The following FAT3 variants were observed in gnomAD, a reference collection of about 807,000 sequenced individuals.
FAT3 encodes the protein FAT atypical cadherin 3.
FAT3 carries 95 observed loss-of-function variants against 310.2 expected under a neutral mutation model. The observed-to-expected ratio is 0.31, with a 90% CI of 0.26 to 0.36. The LOEUF (loss-of-function observed/expected upper bound fraction) is 0.36. FAT3 is among the 10% of genes least tolerant of loss of function. The probability of loss-of-function intolerance (pLI) is 1.00; values close to 1 mark genes in which losing one functional copy is unlikely to be tolerated. For missense variants in FAT3, 5,408 were observed against 5,715.6 expected (o/e 0.95, Z 1.74); for synonymous variants, 2,314 against 2,192.9 (o/e 1.06, Z -1.54).
In FAT3 at chr11:92,801,032, G is replaced by T; in HGVS notation, c.8019G>T (p.Val2673=). ...KGNFNQLKNT[V]LSFFVKAVDG... Reference sequence around the variant, plus strand: ...ATTTTAACCAGCTGAAAAATACAGTGCTTTCGTTCTTTGTCAAAGCAGTAG... The same window carrying T: ...ATTTTAACCAGCTGAAAAATACAGTTCTTTCGTTCTTTGTCAAAGCAGTAG... The change falls in exon 10 of 28, where the codon GTG becomes GTT. Residue 2673 remains valine, a synonymous_variant. Transcript: ENST00000525166. The T allele has an allele frequency of 6.2e-7, 1 of 1,613,792 alleles. No individual in the cohort carries two copies. Among genetic ancestry groups the T allele is most frequent in the Non-Finnish European group, 8.5e-7 (1 of 1,179,818 alleles).
At chr11:92,279,948 C>G (rs1946380448) in intron 1 of FAT3, among the ~76,000 whole-genome samples, 1 of 152,116 alleles carries the variant, frequency 6.6e-6, no homozygotes, top group Non-Finnish European at 1.5e-5. Context: ...CAGCCTTAAG[C>G]CATGATCTCA....
intron 3 of FAT3, among the ~76,000 whole-genome samples, chr11:92,685,322 ACT>A (rs1943600315): frequency 1.3e-5 from 2 of 152,004 alleles, no homozygotes; most frequent in Admixed American, 1.3e-4. Flanking sequence ...CAGACTGCAG[ACT>A]CTGACATGAC....
At chr11:92,783,172 A>G (rs1946797757) in intron 7 of FAT3, among the ~76,000 whole-genome samples, 1 of 151,778 alleles carries the variant, frequency 6.6e-6, no homozygotes, top group Non-Finnish European at 1.5e-5. Context: ...AGCCTGGCCA[A>G]CATAGTGAAA....
At chr11:92,414,808 G>A (rs1403794383) in intron 2 of FAT3, among the ~76,000 whole-genome samples, 1 of 151,972 alleles carries the variant, frequency 6.6e-6, no homozygotes, top group Non-Finnish European at 1.5e-5. Context: ...CGGGAGATCG[G>A]GATCATCCTG....
At chr11:92,486,177 T>C (rs1300105696) in intron 2 of FAT3, among the ~76,000 whole-genome samples, 4 of 143,840 alleles carry the variant, frequency 2.8e-5, no homozygotes, top group Non-Finnish European at 4.5e-5. Flanking sequence ...CATCTTTGTT[T>C]TGCTTTAATT....
chr11:92,812,491 A>G (rs1947703166), intron 13 of FAT3, among the ~76,000 whole-genome samples: 1 of 152,058 alleles, frequency 6.6e-6, no homozygotes, highest in Non-Finnish European at 1.5e-5. Flanking sequence ...CTGAGGCAGA[A>G]GAATTGCTTG....
At chr11:92,817,323 A>G (rs1158807620) in intron 13 of FAT3, among the ~76,000 whole-genome samples, 1 of 152,224 alleles carries the variant, frequency 6.6e-6, no homozygotes, top group African/African-American at 2.4e-5. Flanking sequence ...AGTAAATTGC[A>G]TTAATAGAAA....
chr11:92,368,535 A>G (rs1949085124), intron 2 of FAT3, among the ~76,000 whole-genome samples: 1 of 152,122 alleles, frequency 6.6e-6, no homozygotes, highest in Admixed American at 6.6e-5. Flanking sequence ...CCAGGAGAGA[A>G]CTTTCATTTT....
chr11:92,681,185 C>T (rs886253327), intron 3 of FAT3, among the ~76,000 whole-genome samples: 1 of 152,184 alleles, frequency 6.6e-6, no homozygotes, highest in African/African-American at 2.4e-5. Flanking sequence ...TTGTACCTTA[C>T]ATTCTAGAGA....
At chr11:92,319,686 G>C in intron 1 of FAT3, among the ~76,000 whole-genome samples, 1 of 152,136 alleles carries the variant, frequency 6.6e-6, no homozygotes, top group East Asian at 1.9e-4. Context: ...GCTTCTAAAA[G>C]TAATTTTTTC....
At chr11:92,485,199 AC>A (rs1273248111) in intron 2 of FAT3, among the ~76,000 whole-genome samples, 2 of 152,182 alleles carry the variant, frequency 1.3e-5, no homozygotes, top group Non-Finnish European at 2.9e-5. Context: ...TTTAATTTAA[AC>A]CCCTGGGAAT....
chr11:92,890,463 A>C, intron 27 of FAT3, 28 bp from the exon 28 acceptor site: 1 of 1,585,858 alleles, frequency 6.3e-7, no homozygotes. Flanking sequence ...TCTAGAGGAA[A>C]TTAACTGTCA....
intron 3 of FAT3, among the ~76,000 whole-genome samples, chr11:92,634,622 T>C (rs1384007965): frequency 6.6e-6 from 1 of 152,172 alleles, no homozygotes; most frequent in African/African-American, 2.4e-5. Context: ...ACTGAGATCC[T>C]CTGCAGGAGT....
At chr11:92,570,899 C>T (rs990549247) in intron 3 of FAT3, among the ~76,000 whole-genome samples, 24 of 152,112 alleles carry the variant, frequency 1.6e-4, no homozygotes, top group Non-Finnish European at 1.5e-4. Context: ...TTTGTTCCTT[C>T]GTTCCTTCAT....
intron 1 of FAT3, among the ~76,000 whole-genome samples, chr11:92,280,378 A>G (rs1054765133): frequency 6.6e-5 from 10 of 152,220 alleles, no homozygotes; most frequent in Non-Finnish European, 1.5e-4. Flanking sequence ...ATTAATTGAA[A>G]AGGTGTACTT....
intron 2 of FAT3, among the ~76,000 whole-genome samples, chr11:92,412,155 C>T (rs533510212): frequency 1.4e-4 from 22 of 151,954 alleles, no homozygotes; most frequent in African/African-American, 5.1e-4. Flanking sequence ...CAGGCTGGAG[C>T]GTAGTGGTGT....
intron 22 of FAT3, among the ~76,000 whole-genome samples, chr11:92,879,733 A>G (rs1486080638): frequency 6.6e-6 from 1 of 152,190 alleles, no homozygotes; most frequent in Non-Finnish European, 1.5e-5. Context: ...AATAAAAAAA[A>G]GCATAGTGGA....
At position 92,705,369 on chromosome 11, in the gene FAT3, G is replaced by A. The variant is rs981232963; in HGVS notation, c.3669+7924G>A. 3.0e-5 allele frequency among the ~76,000 whole-genome samples: 4 copies of A among 133,602 alleles called. No homozygotes were observed. In the East Asian group the frequency reaches 9.6e-4, roughly 32 times the overall value. The allele number at this position is 133,602 out of a possible 152,430, so 87.6% of individuals were successfully genotyped here. On this transcript the variant is annotated intron_variant, in intron 4 of 27. Coordinates refer to ENST00000525166, the MANE Select transcript of FAT3 (RefSeq NM_001367949.2). ...GTGATGATGGTAGTGTGATGGTGTT[G>A]GTGATGGTGTTGGTGGTGGTGGTGG...
chr11:92,321,744 AGT>A (rs1947626002), intron 1 of FAT3, among the ~76,000 whole-genome samples: 1 of 152,150 alleles, frequency 6.6e-6, no homozygotes, highest in Non-Finnish European at 1.5e-5. Context: ...CTGTATCTTG[AGT>A]GGAGATAATA....
Sources: gnomAD v4.1 joint callset for allele counts (sites outside exome capture counted in the v4.1 genomes callset) on GRCh38, gnomAD v4.1.1 for gene constraint, MANE v1.5 for transcripts, NCBI Gene and HGNC (gene_info 2026-07-23, HGNC 2026-07-21) for gene names.